The following CISD3 variants were observed in gnomAD, a reference collection of about 807,000 sequenced individuals.
The protein encoded by CISD3 is CDGSH iron sulfur domain 3.
A neutral mutation model predicts 14.1 loss-of-function variants in CISD3; 11 were observed. The observed-to-expected ratio is 0.78, with a 90% CI of 0.49 to 1.29. The LOEUF (loss-of-function observed/expected upper bound fraction) is 1.29. Among genes scored for constraint, CISD3 ranks in the 50% most tolerant of loss-of-function variants. CISD3 has a pLI of 0.00. For missense variants in CISD3, 156 were observed against 171.6 expected, an observed-to-expected ratio of 0.91 and a Z score of 0.51; for synonymous variants, 53 against 69.2, an observed-to-expected ratio of 0.77 and a Z score of 1.16.
In CISD3 at chr17:38,734,962, AT is replaced by A. The variant is rs1906564555; in HGVS notation, c.*1508del. On this transcript the variant is annotated 3_prime_UTR_variant, in exon 4 of 4. Transcript: ENST00000613478. The stretch of plus-strand genomic sequence containing the variant: ...TTACACAAGACCCCCCCCAAAAAAA[AT>A]GAACACCATTTTCCACACATACACA... The A allele has an allele frequency of 7.0e-6, 2 of 285,010 alleles. No homozygotes were observed. Among genetic ancestry groups the A allele is most frequent in the South Asian group, 1.7e-4 (1 of 6,048 alleles). 17.7% of individuals were successfully genotyped at this position (285,010 alleles called of 1,614,324 possible).
chr17:38,730,817 T>G, intron 2 of CISD3, 22 bp downstream of exon 2: 1 of 1,549,948 alleles, frequency 6.5e-7, no homozygotes, highest in South Asian at 1.2e-5. Context: ...CATCCTCCCC[T>G]CCTCCTCGCA....
At position 38,730,394 on chromosome 17, in the gene CISD3, G is replaced by A. The variant is rs933030328; in HGVS notation, c.36G>A (p.Ala12=). The change falls in exon 1 of 4, where the codon GCG becomes GCA. Residue 12 remains alanine (A), a synonymous_variant. Coordinates refer to ENST00000613478, the MANE Select transcript of CISD3 (RefSeq NM_001136498.2). ...RGAGAILRPA[A]RGARDLNPRR... The stretch of plus-strand genomic sequence containing the variant: ...CGGGGGCGATCCTGCGGCCGGCGGC[G>A]CGTGGTGCCCGGGTGAGCACCCCCG... The A allele has an allele frequency of 2.2e-3, 2,633 of 1,210,116 alleles. 3 individuals carry two copies. The highest frequency in any genetic ancestry group is 2.7e-3 in the Admixed American group (61 of 22,820). 75.0% of individuals were successfully genotyped at this position (1,210,116 alleles called of 1,614,324 possible).
At position 38,733,515 on chromosome 17, in the gene CISD3, C is replaced by A. The variant is rs1435411743; in HGVS notation, c.*60C>A. ...GCTCCAGGCCTCTGACAGGCACCCC[C>A]TTCTGTGGGAAAGGAAACAGGTGCT... On this transcript the variant is annotated 3_prime_UTR_variant, in exon 4 of 4. Coordinates refer to ENST00000613478, the MANE Select transcript of CISD3 (RefSeq NM_001136498.2). 5 of 1,438,948 alleles carry A rather than the reference C, an allele frequency of 3.5e-6. No individual in the cohort carries two copies. The highest frequency in any genetic ancestry group is 4.6e-6 in the Non-Finnish European group (5 of 1,087,894). 89.1% of individuals were successfully genotyped at this position (1,438,948 alleles called of 1,614,324 possible). A position where few individuals can be genotyped will look rare whatever the true frequency, so the allele number is the denominator to read the frequency against.
At position 38,733,425 on chromosome 17, in the gene CISD3, G is replaced by C; in HGVS notation, c.354G>C (p.Val118=). 6.5e-7 allele frequency: 1 copy of C among 1,544,198 alleles called. No individual in the cohort carries two copies. The highest frequency in any genetic ancestry group is 8.8e-7 in the Non-Finnish European group (1 of 1,141,688). Residue 118 remains valine, a synonymous_variant, in exon 4 of 4, where the codon GTG becomes GTC. Coordinates refer to ENST00000613478, the MANE Select transcript of CISD3 (RefSeq NM_001136498.2). ...YCDGTHRSER[V]QKAEVGSPL ...ATGGCACCCACAGGAGTGAGCGCGT[G>C]CAGAAGGCAGAAGTGGGCTCCCCAC...
At chr17:38,730,910 C>A in intron 2 of CISD3, 115 bp downstream of exon 2, 1 of 1,177,260 alleles carries the variant, frequency 8.5e-7, no homozygotes, top group Non-Finnish European at 1.2e-6. Context: ...CTGGAGTTAG[C>A]CCGTGGCTCT....
At position 38,730,801 on chromosome 17, in the gene CISD3, T is replaced by TC. The variant is rs373912781; in HGVS notation, c.84+12dup. 2 of 1,550,634 alleles carry TC rather than the reference T, an allele frequency of 1.3e-6. No individual in the cohort carries two copies. Among genetic ancestry groups the TC allele is most frequent in the African/African-American group, 1.4e-5 (1 of 72,776 alleles). On this transcript the variant is annotated splice_region_variant and intron_variant, in intron 2 of 3. Coordinates refer to ENST00000613478, the MANE Select transcript of CISD3 (RefSeq NM_001136498.2). ...GGGACATCTCCTCCTGGCTGGTGAG[T>TC]CCCCCCATCCTCCCCTCCTCCTCGC... is the stretch of plus-strand genomic sequence containing the variant.
Position 38,735,539 on chromosome 17 carries a change from G to A in CISD3, c.*2084G>A, listed in dbSNP as rs759490790. The A allele has an allele frequency of 5.0e-6, 8 of 1,587,526 alleles. No homozygotes were observed. The highest frequency in any genetic ancestry group is 1.1e-5 in the South Asian group (1 of 87,254). ...GGTGCCCTCGGAGGGGGTGGGCACC[G>A]TGGCTAGGGTGAGCCGCTTGCAGGC... On this transcript the variant is annotated 3_prime_UTR_variant, in exon 4 of 4. Transcript: ENST00000613478.
chr17:38,730,753 C>T lies in CISD3; in HGVS notation c.49-7C>T. On this transcript the variant is annotated splice_region_variant and splice_polypyrimidine_tract_variant and intron_variant, in intron 1 of 3. Transcript: ENST00000613478. The stretch of plus-strand genomic sequence containing the variant: ...TGTGATGCCTGCCATGCTTGCGTAC[C>T]TTGCAGGACCTGAACCCGCGGCGGG... The T allele has an allele frequency of 6.4e-7, 1 of 1,551,762 alleles. No homozygotes were observed. The highest frequency in any genetic ancestry group is 8.7e-7 in the Non-Finnish European group (1 of 1,146,972).
intron 3 of CISD3, among the ~76,000 whole-genome samples, chr17:38,732,804 C>T (rs534096144): frequency 6.6e-6 from 1 of 152,234 alleles, no homozygotes. Context: ...TTGTAACCTT[C>T]ACTCCCTGTC....
Position 38,735,575 on chromosome 17 carries a change from C to T in CISD3, c.*2120C>T, listed in dbSNP as rs201691898. The T allele has an allele frequency of 1.5e-5, 24 of 1,578,828 alleles. No individual in the cohort carries two copies. Among genetic ancestry groups the T allele is most frequent in the East Asian group, 2.3e-5 (1 of 43,476 alleles). On this transcript the variant is annotated 3_prime_UTR_variant, in exon 4 of 4. Transcript: ENST00000613478. ...GAGCCGCTTGCAGGCTGGCTGGACA[C>T]GGTACTTGAGGGGGAGAGGCCCGTT... is the stretch of plus-strand genomic sequence containing the variant.
rs778666838 is a variant in CISD3 at position 38,735,266 on chromosome 17, C to T, written c.*1811C>T. The T allele has an allele frequency of 1.4e-5, 20 of 1,465,990 alleles. No homozygotes were observed. The African/African-American group carries it at 2.1e-4, about 15-fold the overall frequency. The allele number at this position is 1,465,990 out of a possible 1,614,324, so 90.8% of individuals were successfully genotyped here. Reference sequence around the variant, plus strand: ...GGGAGCGCCGTTGACAGTCATCTTGCGCCCCCTGCTGGTGGAGGATGGTGT... The same window carrying T: ...GGGAGCGCCGTTGACAGTCATCTTGTGCCCCCTGCTGGTGGAGGATGGTGT... On this transcript the variant is annotated 3_prime_UTR_variant, in exon 4 of 4. Coordinates refer to ENST00000613478, the MANE Select transcript of CISD3 (RefSeq NM_001136498.2).
At chr17:38,731,953 G>A in intron 3 of CISD3, 1 of 154,836 alleles carries the variant, frequency 6.5e-6, no homozygotes, top group Non-Finnish European at 1.4e-5. Flanking sequence ...AGGCTCTCCT[G>A]CCTCCAAAGC....
Position 38,730,784 on chromosome 17 carries a change from T to G in CISD3, c.73T>G (p.Ser25Ala), listed in dbSNP as rs1338045928. Residue 25 changes from serine to alanine, a missense_variant, in exon 2 of 4, where the codon TCC becomes GCC. Physicochemically the swap from Ser to Ala is moderately conservative, Grantham distance 99. Transcript: ENST00000613478. ...ARDLNPRRDI[S>A]SWLAQWFPRT... The stretch of plus-strand genomic sequence containing the variant: ...GGACCTGAACCCGCGGCGGGACATC[T>G]CCTCCTGGCTGGTGAGTCCCCCCAT... 6.4e-7 allele frequency: 1 copy of G among 1,551,432 alleles called. No homozygotes were observed. Among genetic ancestry groups the G allele is most frequent in the Non-Finnish European group, 8.7e-7 (1 of 1,146,936 alleles).
At position 38,731,340 on chromosome 17, in the gene CISD3, C is replaced by T. The variant is rs890041638; in HGVS notation, c.105C>T (p.Thr35=). Residue 35 remains threonine, a synonymous_variant, in exon 3 of 4, where the codon ACC becomes ACT. Transcript: ENST00000613478. ...CACAGGCCCAGTGGTTCCCTAGAAC[C>T]CCAGCCAGGTCCGTGGTGGCCCTGA... is the stretch of plus-strand genomic sequence containing the variant. ...SSWLAQWFPR[T]PARSVVALKT... is the part of the protein sequence containing the mutation. 1.3e-5 allele frequency: 20 copies of T among 1,551,418 alleles called. No homozygotes were observed. The highest frequency in any genetic ancestry group is 1.7e-5 in the Non-Finnish European group (19 of 1,146,984).
At chr17:38,732,094 C>T (rs1219532619) in intron 3 of CISD3, among the ~76,000 whole-genome samples, 1 of 152,190 alleles carries the variant, frequency 6.6e-6, no homozygotes, top group African/African-American at 2.4e-5. Flanking sequence ...CACTTGCTTC[C>T]CCTTCTGCCC....
chr17:38,733,626 C>T lies in CISD3; in HGVS notation c.*171C>T, dbSNP rs538093990. The T allele has an allele frequency of 3.8e-5, 26 of 683,188 alleles. No homozygotes were observed. The highest frequency in any genetic ancestry group is 2.8e-4 in the East Asian group (9 of 32,490). The allele number at this position is 683,188 out of a possible 1,614,324, so 42.3% of individuals were successfully genotyped here. A position where few individuals can be genotyped will look rare whatever the true frequency, so the allele number is the denominator to read the frequency against. On this transcript the variant is annotated 3_prime_UTR_variant, in exon 4 of 4. Transcript: ENST00000613478. ...CTAAAAGTCTCCAGTCTGGGGCAGGCGGGAGTGGGCCCTGGTTCAATGTTT... is the reference window on the plus strand; with the variant it reads ...CTAAAAGTCTCCAGTCTGGGGCAGGTGGGAGTGGGCCCTGGTTCAATGTTT...
At position 38,735,385 on chromosome 17, in the gene CISD3, C is replaced by A; in HGVS notation, c.*1930C>A. 1 of 1,567,362 alleles carries A rather than the reference C, an allele frequency of 6.4e-7. No homozygotes were observed. The highest frequency in any genetic ancestry group is 8.7e-7 in the Non-Finnish European group (1 of 1,155,318). On this transcript the variant is annotated 3_prime_UTR_variant, in exon 4 of 4. Coordinates refer to ENST00000613478, the MANE Select transcript of CISD3 (RefSeq NM_001136498.2). ...GGGAGGTAGGGTGGGTGGCTGGAGG[C>A]CCATGGGAACTGGGAGAGCCATGGG... is the stretch of plus-strand genomic sequence containing the variant.
Position 38,734,332 on chromosome 17 carries a change from C to T in CISD3, c.*877C>T, listed in dbSNP as rs1019205984. 1 of 152,418 alleles carries T rather than the reference C, an allele frequency of 6.6e-6. No individual in the cohort carries two copies. The highest frequency in any genetic ancestry group is 2.4e-5 in the African/African-American group (1 of 41,334). The allele number at this position is 152,418 out of a possible 1,614,324, so 9.4% of individuals were successfully genotyped here. A position where few individuals can be genotyped will look rare whatever the true frequency, so the allele number is the denominator to read the frequency against. ...CTGTGCTTGTGTGAGGTTAACCCAC[C>T]CCCACTTCCACTCTAGGCCCCAGGT... On this transcript the variant is annotated 3_prime_UTR_variant, in exon 4 of 4. Coordinates refer to ENST00000613478, the MANE Select transcript of CISD3 (RefSeq NM_001136498.2).
intron 1 of CISD3, 121 bp from the exon 2 acceptor site, chr17:38,730,639 T>C (rs747675637): frequency 1.2e-4 from 127 of 1,042,172 alleles, no homozygotes; most frequent in Non-Finnish European, 1.8e-4. Flanking sequence ...CCCTCGCCCC[T>C]TCAGCCCTGT....
Sources: gnomAD v4.1 joint callset for allele counts (sites outside exome capture counted in the v4.1 genomes callset) on GRCh38, gnomAD v4.1.1 for gene constraint, MANE v1.5 for transcripts, NCBI Gene and HGNC (gene_info 2026-07-23, HGNC 2026-07-21) for gene names.